LITAF: variants seen among roughly 807,000 people sequenced by gnomAD.
LITAF encodes the protein lipopolysaccharide induced TNF factor.
LITAF carries 9 observed loss-of-function variants against 14.5 expected under a neutral mutation model. That is an observed-to-expected ratio of 0.62 (90% CI 0.37 to 1.08). The LOEUF is 1.08. Ranked by LOEUF, LITAF falls within the 50% of genes least tolerant of loss-of-function variation. The probability of loss-of-function intolerance (pLI) is 0.01; values close to 1 mark genes in which losing one functional copy is unlikely to be tolerated. For synonymous variants in LITAF, 98 were observed against 88.2 expected (o/e 1.11, Z -0.62); for missense variants, 206 against 213.4 (o/e 0.97, Z 0.22).
chr16:11,599,550 A>G (rs2064914698), upstream of LITAF, among the ~76,000 whole-genome samples: 1 of 152,152 alleles, frequency 6.6e-6, no homozygotes, highest in Non-Finnish European at 1.5e-5. Flanking sequence ...CTGTAGCCAC[A>G]GCTTCGTGAT....
At chr16:11,574,283 C>A (rs1242755934) in intron 1 of LITAF, among the ~76,000 whole-genome samples, 1 of 152,024 alleles carries the variant, frequency 6.6e-6, no homozygotes, top group East Asian at 1.9e-4. Flanking sequence ...CTAAAGCAAT[C>A]CTCCCACCTT....
intron 1 of LITAF, among the ~76,000 whole-genome samples, chr16:11,592,300 G>A (rs1455379652): frequency 6.6e-6 from 1 of 152,194 alleles, no homozygotes; most frequent in African/African-American, 2.4e-5. Flanking sequence ...CTGGGGCTGG[G>A]TGCGGTGGCT....
intron 3 of LITAF, among the ~76,000 whole-genome samples, chr16:11,617,980 C>T (rs2065028521): frequency 6.6e-6 from 1 of 152,074 alleles, no homozygotes; most frequent in Non-Finnish European, 1.5e-5. Context: ...AAACGATCCT[C>T]CCACCTCAGC....
intron 3 of LITAF, among the ~76,000 whole-genome samples, chr16:11,628,009 C>CAAAAAAAAAAAAAAAAA (rs34480494): frequency 1.8e-5 from 1 of 54,752 alleles, no homozygotes; most frequent in Non-Finnish European, 3.2e-5. Flanking sequence ...GAGACTCTGT[C>CAAAAAAAAAAAAAAAAA]AAAAAAAAAA....
rs141778548 is a variant in LITAF at position 11,558,706 on chromosome 16, T to A, written c.-5-1971A>T. 3.6e-3 allele frequency among the ~76,000 whole-genome samples: 552 copies of A among 152,052 alleles called. 1 individual carries two copies. Among genetic ancestry groups the A allele is most frequent in the Middle Eastern group, 0.017 (5 of 292 alleles). On this transcript the variant is annotated intron_variant, in intron 1 of 3. Coordinates refer to ENST00000622633, the MANE Select transcript of LITAF (RefSeq NM_001136472.2). The surrounding 1 kb of genome is among the most constrained non-coding windows in gnomAD (Gnocchi z 4.1). ...CTGGGAAACAGAGCGAGACTCTGTC[T>A]CAAAAACAAACAAACGAAACAAAGT...
At chr16:11,600,428 A>C (rs1427855234), upstream of LITAF, among the ~76,000 whole-genome samples, 1 of 152,236 alleles carries the variant, frequency 6.6e-6, no homozygotes, top group Non-Finnish European at 1.5e-5. This position sits in a 1 kb window ranked among gnomAD's most constrained non-coding sequence, Gnocchi z 4.1. Flanking sequence ...GGCAGGAGGC[A>C]GCCAAATGCC....
upstream of LITAF, chr16:11,587,414 C>A: frequency 2.2e-6 from 1 of 454,056 alleles, no homozygotes; most frequent in Non-Finnish European, 4.4e-6. Flanking sequence ...TCTACAGACG[C>A]GTCCGGACAG....
intron 3 of LITAF, among the ~76,000 whole-genome samples, chr16:11,613,502 T>A (rs959664169): frequency 1.8e-4 from 28 of 152,198 alleles, no homozygotes; most frequent in Non-Finnish European, 1.8e-4. Context: ...CTGCCCCACC[T>A]CGAAGACATC....
chr16:11,613,297 C>T (rs1271921751), intron 3 of LITAF, among the ~76,000 whole-genome samples: 1 of 152,114 alleles, frequency 6.6e-6, no homozygotes, highest in Non-Finnish European at 1.5e-5. Flanking sequence ...TTTTTGTTTC[C>T]ACTTCTGGAT....
chr16:11,595,617 T>C (rs1202132503), intron 1 of LITAF, among the ~76,000 whole-genome samples: 2 of 152,114 alleles, frequency 1.3e-5, no homozygotes, highest in Non-Finnish European at 2.9e-5. Flanking sequence ...TAGTCCCAGC[T>C]ACTTGGGAGG....
chr16:11,638,232 G>A (rs2065151111), upstream of LITAF, among the ~76,000 whole-genome samples: 2 of 151,074 alleles, frequency 1.3e-5, no homozygotes, highest in Admixed American at 6.7e-5. Flanking sequence ...TGTAAGATGG[G>A]AACAGTAATA....
intron 3 of LITAF, among the ~76,000 whole-genome samples, chr16:11,552,962 A>C (rs2064204006): frequency 6.7e-6 from 1 of 149,074 alleles, no homozygotes; most frequent in South Asian, 2.1e-4. Context: ...AAAAGTACAA[A>C]ATATTAGCCG....
At chr16:11,636,664 C>T (rs1219533181), upstream of LITAF, among the ~76,000 whole-genome samples, 2 of 152,146 alleles carry the variant, frequency 1.3e-5, no homozygotes, top group Non-Finnish European at 2.9e-5. Flanking sequence ...CCGTGTTGAA[C>T]ACACCTGGCC....
At chr16:11,608,995 C>A (rs72781040) in intron 3 of LITAF, among the ~76,000 whole-genome samples, 21,169 of 150,214 alleles carry the variant, frequency 0.14, 1,879 homozygotes, top group Non-Finnish European at 0.21. Context: ...AAAAACGCAC[C>A]GAGTATACAG....
chr16:11,599,204 C>T (rs914029529), upstream of LITAF, among the ~76,000 whole-genome samples: 3 of 151,900 alleles, frequency 2.0e-5, no homozygotes, highest in Non-Finnish European at 4.4e-5. Flanking sequence ...CTGCAGCCTC[C>T]GCCTCCTGGG....
chr16:11,572,955 GTC>G (rs1429984055), intron 1 of LITAF, among the ~76,000 whole-genome samples: 1 of 149,886 alleles, frequency 6.7e-6, no homozygotes, highest in East Asian at 1.9e-4. Context: ...TTGAGACAGG[GTC>G]TCACTCTGTC....
chr16:11,608,350 C>T (rs1202045322), intron 3 of LITAF, among the ~76,000 whole-genome samples: 4 of 152,282 alleles, frequency 2.6e-5, no homozygotes, highest in Non-Finnish European at 5.9e-5. Context: ...TTGGATTCTA[C>T]CGGGTGTGGG....
In LITAF at chr16:11,553,863, A is replaced by C. The variant is rs1427306228; in HGVS notation, c.221-174T>G. The stretch of plus-strand genomic sequence containing the variant: ...TATGAGAGCCAAAAGGGGAAGGAAC[A>C]CCAGTGTCCATCGACGGACCAATAA... On this transcript the variant is annotated intron_variant, in intron 2 of 3. Transcript: ENST00000622633. The surrounding 1 kb of genome is among the most constrained non-coding windows in gnomAD (Gnocchi z 7.7). 1.5e-6 allele frequency: 1 copy of C among 674,344 alleles called. No homozygotes were observed. Among genetic ancestry groups the C allele is most frequent in the East Asian group, 2.8e-5 (1 of 35,526 alleles). 41.8% of individuals were successfully genotyped at this position (674,344 alleles called of 1,614,324 possible).
rs552449681 is a variant in LITAF, at chr16:11,572,465, CGAGAAG to C, written c.-6+14415_-6+14420del. Among the ~76,000 whole-genome samples, 1,175 of 151,652 alleles carry C rather than the reference CGAGAAG, an allele frequency of 7.7e-3. 17 individuals carry two copies. Among genetic ancestry groups the C allele is most frequent in the African/African-American group, 0.027 (1,108 of 40,966 alleles). ...GAAGTCACATGACATCACACACCAG[CGAGAAG>C]TCACATGACATCACACACCTGCTGA... On this transcript the variant is annotated intron_variant, in intron 1 of 3. Coordinates refer to ENST00000622633, the MANE Select transcript of LITAF (RefSeq NM_001136472.2).
Sources: gnomAD v4.1 joint callset for allele counts (sites outside exome capture counted in the v4.1 genomes callset) on GRCh38, gnomAD v4.1.1 for gene constraint, Gnocchi (gnomAD v3.1) non-coding constraint, MANE v1.5 for transcripts, NCBI Gene and HGNC (gene_info 2026-07-23, HGNC 2026-07-21) for gene names.